GDA: variants seen among roughly 807,000 people sequenced by gnomAD.
GDA encodes the protein cytoplasmic PSD-95 interactor.
In GDA, 18 loss-of-function variants were observed where a neutral mutation model predicts 59.6. The ratio of observed to expected loss-of-function variants is 0.30; its 90% CI spans 0.21 to 0.45. The LOEUF (loss-of-function observed/expected upper bound fraction) is 0.45. GDA is among the 20% of genes least tolerant of loss of function. The pLI is 1.00. For synonymous variants in GDA, 201 were observed against 201.1 expected, an observed-to-expected ratio of 1.00 and a Z score of 0.00; for missense variants, 427 against 552.3, an observed-to-expected ratio of 0.77 and a Z score of 2.27.
At chr9:72,134,774 G>T (rs569106381) in intron 1 of GDA, among the ~76,000 whole-genome samples, 58 of 152,084 alleles carry the variant, frequency 3.8e-4, no homozygotes, top group Non-Finnish European at 7.1e-4. Context: ...AAGAAGTTGG[G>T]TAAAAAAGAG....
At chr9:72,256,192 G>A (rs527813934), downstream of GDA, among the ~76,000 whole-genome samples, 1 of 152,200 alleles carries the variant, frequency 6.6e-6, no homozygotes, top group East Asian at 1.9e-4. Flanking sequence ...TTGGTTTTTT[G>A]AAAGATAGAA....
At chr9:72,207,489 A>G (rs1224221576) in intron 3 of GDA, among the ~76,000 whole-genome samples, 2 of 152,048 alleles carry the variant, frequency 1.3e-5, no homozygotes, top group Non-Finnish European at 2.9e-5. Context: ...CATTCATTTT[A>G]TGTCTCTTGT....
chr9:72,248,483 C>T lies in GDA; in HGVS notation c.*141C>T. The stretch of plus-strand genomic sequence containing the variant: ...TTTCTGTGTCTAGTTACAGTATTCA[C>T]TTGACAAATAGTTCGAAGGAAGTTG... On this transcript the variant is annotated 3_prime_UTR_variant, in exon 14 of 14. Transcript: ENST00000358399. 1 of 1,462,644 alleles carries T rather than the reference C, an allele frequency of 6.8e-7. No individual in the cohort carries two copies. The highest frequency in any genetic ancestry group is 9.0e-7 in the Non-Finnish European group (1 of 1,105,890). The allele number at this position is 1,462,644 out of a possible 1,614,324, so 90.6% of individuals were successfully genotyped here. A position where few individuals can be genotyped will look rare whatever the true frequency, so the allele number is the denominator to read the frequency against.
At chr9:72,215,717 A>G (rs1296351465) in intron 5 of GDA, among the ~76,000 whole-genome samples, 2 of 152,170 alleles carry the variant, frequency 1.3e-5, no homozygotes, top group East Asian at 3.9e-4. Context: ...ACCAAGGCCC[A>G]CTCTGCTGCT....
chr9:72,125,807 T>C (rs1825826797), intron 1 of GDA, among the ~76,000 whole-genome samples: 1 of 152,130 alleles, frequency 6.6e-6, no homozygotes, highest in African/African-American at 2.4e-5. Context: ...TCCACCCCAA[T>C]GTCCTGATCC....
rs556346009 is a variant in GDA at position 72,125,966 on chromosome 9, G to C, written c.-100+11133G>C. 7.1e-4 allele frequency among the ~76,000 whole-genome samples: 108 copies of C among 152,262 alleles called. 1 individual carries two copies. The highest frequency in any genetic ancestry group is 2.4e-3 in the African/African-American group (100 of 41,540). On this transcript the variant is annotated intron_variant, in intron 1 of 13. Coordinates refer to the GDA transcript ENST00000545168. ...GAGTCTCGCTCTGTTGCCCAGGCTGGAGTGCAGTGCCATGATCTCGGCTCA... is the reference window on the plus strand; with the variant it reads ...GAGTCTCGCTCTGTTGCCCAGGCTGCAGTGCAGTGCCATGATCTCGGCTCA...
intron 2 of GDA, among the ~76,000 whole-genome samples, chr9:72,197,959 G>T (rs1833405440): frequency 6.6e-6 from 1 of 152,160 alleles, no homozygotes; most frequent in South Asian, 2.1e-4. Flanking sequence ...GGTGGCCATG[G>T]ACCCTGGACA....
chr9:72,153,259 G>A (rs1398765262), intron 1 of GDA, among the ~76,000 whole-genome samples: 1 of 152,030 alleles, frequency 6.6e-6, no homozygotes, highest in East Asian at 1.9e-4. Context: ...GCTTAGGATT[G>A]ACTTGGTGAT....
At chr9:72,228,833 A>G (rs1449519022) in intron 9 of GDA, 1 of 152,312 alleles carries the variant, frequency 6.6e-6, no homozygotes, top group Non-Finnish European at 1.5e-5. Context: ...GGTTGCAGTG[A>G]GCCAAGATTG....
chr9:72,243,444 T>G (rs1321144554), intron 11 of GDA, among the ~76,000 whole-genome samples: 2 of 152,212 alleles, frequency 1.3e-5, no homozygotes, highest in African/African-American at 4.8e-5. Context: ...TAATTCAGTT[T>G]AATTCAGTTG....
intron 1 of GDA, among the ~76,000 whole-genome samples, chr9:72,154,345 T>C (rs939686781): frequency 5.9e-5 from 9 of 152,202 alleles, no homozygotes; most frequent in Admixed American, 2.6e-4. Context: ...AGATAATGTA[T>C]GAAAATGCCT....
intron 1 of GDA, among the ~76,000 whole-genome samples, chr9:72,116,025 G>A (rs1456124468): frequency 1.3e-5 from 2 of 152,102 alleles, no homozygotes; most frequent in African/African-American, 2.4e-5. Context: ...CCTGAGGTTG[G>A]GAGTTCGAGA....
Position 72,249,937 on chromosome 9 carries a change from T to C in GDA, c.*1595T>C. Reference sequence around the variant, plus strand: ...AGTTTTTTCCCTAATAGAAATACTTTTAGATTTGATTATGTATACATGACA... The same window carrying C: ...AGTTTTTTCCCTAATAGAAATACTTCTAGATTTGATTATGTATACATGACA... On this transcript the variant is annotated 3_prime_UTR_variant, in exon 14 of 14. Coordinates refer to ENST00000358399, the MANE Select transcript of GDA (RefSeq NM_004293.5). 1.1e-6 allele frequency: 1 copy of C among 946,726 alleles called. No individual in the cohort carries two copies. The highest frequency in any genetic ancestry group is 1.3e-6 in the Non-Finnish European group (1 of 794,798). 58.6% of individuals were successfully genotyped at this position (946,726 alleles called of 1,614,324 possible).
chr9:72,120,063 C>T (rs1825609041), intron 1 of GDA, among the ~76,000 whole-genome samples: 1 of 152,148 alleles, frequency 6.6e-6, no homozygotes, highest in South Asian at 2.1e-4. Context: ...TTCAAAGCTG[C>T]TTGCCTGCTT....
intron 4 of GDA, among the ~76,000 whole-genome samples, chr9:72,213,613 C>G (rs1423166130): frequency 2.0e-5 from 3 of 151,464 alleles, no homozygotes; most frequent in Non-Finnish European, 2.9e-5. Flanking sequence ...ACCATCTTGG[C>G]TAACACGGTG....
intron 2 of GDA, among the ~76,000 whole-genome samples, chr9:72,195,918 A>T (rs1833121612): frequency 6.6e-6 from 1 of 152,164 alleles, no homozygotes; most frequent in South Asian, 2.1e-4. Context: ...TGGAGGACAA[A>T]GACAGTAAAC....
At position 72,202,673 on chromosome 9, in the gene GDA, G is replaced by A. The variant is rs767957340; in HGVS notation, c.315G>A (p.Lys105=). ...TGCCACTCTTGGAGTGGCTGACCAA[G>A]TACACATTTCCTGCAGAACACAGAT... is the stretch of plus-strand genomic sequence containing the variant. ...IDLPLLEWLT[K]YTFPAEHRFQ... The change falls in exon 3 of 14, where the codon AAG becomes AAA. Residue 105 remains lysine (K), a synonymous_variant. Coordinates refer to ENST00000358399, the MANE Select transcript of GDA (RefSeq NM_004293.5). 3.7e-6 allele frequency: 6 copies of A among 1,613,564 alleles called. No homozygotes were observed. Among genetic ancestry groups the A allele is most frequent in the South Asian group, 3.3e-5 (3 of 91,080 alleles).
intron 1 of GDA, among the ~76,000 whole-genome samples, chr9:72,162,492 A>G (rs764537758): frequency 7.2e-5 from 11 of 152,202 alleles, no homozygotes; most frequent in Admixed American, 2.6e-4. Context: ...GGAAAGGCCT[A>G]TGCAAAGACC....
intron 1 of GDA, among the ~76,000 whole-genome samples, chr9:72,121,738 A>G (rs961855300): frequency 1.3e-5 from 2 of 152,146 alleles, no homozygotes; most frequent in Non-Finnish European, 2.9e-5. Flanking sequence ...TACACTTGCT[A>G]TCTCCACTGT....
Sources: gnomAD v4.1 joint callset for allele counts (sites outside exome capture counted in the v4.1 genomes callset) on GRCh38, gnomAD v4.1.1 for gene constraint, MANE v1.5 for transcripts, NCBI Gene and HGNC (gene_info 2026-07-23, HGNC 2026-07-21) for gene names.